ALG12: variants seen among roughly 807,000 people sequenced by gnomAD.
ALG12 encodes ALG12 alpha-1,6-mannosyltransferase.
Under a neutral mutation model 46.0 loss-of-function variants are expected in ALG12, and 36 were observed. The observed-to-expected ratio is 0.78, with a 90% CI of 0.60 to 1.03. The LOEUF (loss-of-function observed/expected upper bound fraction) is 1.03, where lower values mean the gene tolerates loss of function less well. ALG12 is among the 50% of genes least tolerant of loss of function. ALG12 has a pLI of 0.00. For synonymous variants in ALG12, 326 were observed against 291.6 expected, an observed-to-expected ratio of 1.12 and a Z score of -1.20; for missense variants, 599 against 633.5, an observed-to-expected ratio of 0.95 and a Z score of 0.58.
At chr22:49,896,369 C>T (rs756411904), downstream of ALG12, among the ~76,000 whole-genome samples, 5 of 152,226 alleles carry the variant, frequency 3.3e-5, no homozygotes, top group Non-Finnish European at 7.3e-5. Context: ...TCCTGGGGGA[C>T]CTCTCTAGTA....
chr22:49,897,093 C>G (rs1309707763), downstream of ALG12, among the ~76,000 whole-genome samples: 2 of 150,260 alleles, frequency 1.3e-5, no homozygotes, highest in Non-Finnish European at 2.9e-5. Flanking sequence ...TGGACTCATA[C>G]AGTATGTAGC....
chr22:49,867,403 A>G, the ALG12 span, among the ~76,000 whole-genome samples: 95,406 of 151,968 alleles, frequency 0.63, 35,005 homozygotes, highest in East Asian at 0.85. Context: ...ACTGCGGTGC[A>G]TCCACTGGGT....
the ALG12 span, chr22:49,885,134 A>G: frequency 6.2e-7 from 1 of 1,612,586 alleles, no homozygotes; most frequent in Non-Finnish European, 8.5e-7. Flanking sequence ...AAGAAGGGTG[A>G]TGTGGGCACC....
At position 49,905,093 on chromosome 22, in the gene ALG12, C is replaced by T. The variant is rs190092255; in HGVS notation, c.993-587G>A. On this transcript the variant is annotated intron_variant, in intron 7 of 9. Transcript: ENST00000330817. The surrounding 1 kb of genome is among the most constrained non-coding windows in gnomAD (Gnocchi z 4.9). ...ACTGTGTAGGTCAGAGTGCCACCCG[C>T]GCGGCCAAGCCCACTCCCAGCAGGT... Among the ~76,000 whole-genome samples the T allele has an allele frequency of 1.6e-3, 240 of 151,820 alleles. No individual in the cohort carries two copies. The highest frequency in any genetic ancestry group is 5.6e-3 in the African/African-American group (230 of 41,366).
the ALG12 span, among the ~76,000 whole-genome samples, chr22:49,875,882 G>A: frequency 1.3e-5 from 2 of 151,548 alleles, no homozygotes; most frequent in African/African-American, 2.4e-5. Context: ...AATATTTGTA[G>A]AAGCTTATCA....
At chr22:49,873,228 A>G in the ALG12 span, among the ~76,000 whole-genome samples, 2 of 152,200 alleles carry the variant, frequency 1.3e-5, no homozygotes, top group African/African-American at 2.4e-5. Context: ...CTTCATCACT[A>G]AGCTTAATCA....
chr22:49,863,350 C>T, the ALG12 span, among the ~76,000 whole-genome samples: 2 of 151,498 alleles, frequency 1.3e-5, no homozygotes, highest in East Asian at 2.0e-4. Flanking sequence ...TTTTGTAGGC[C>T]GGGTGTGGTG....
Position 49,904,350 on chromosome 22 carries a change from C to T in ALG12, c.1149G>A (p.Val383=), listed in dbSNP as rs778616092. 9 of 1,614,196 alleles carry T rather than the reference C, an allele frequency of 5.6e-6. No individual in the cohort carries two copies. Among genetic ancestry groups the T allele is most frequent in the Non-Finnish European group, 7.6e-6 (9 of 1,180,040 alleles). The change falls in exon 8 of 10, where the codon GTG becomes GTA. Residue 383 remains valine, a synonymous_variant. Coordinates refer to ENST00000330817, the MANE Select transcript of ALG12 (RefSeq NM_024105.4). ...GVAMQRLHQL[V]PPQTDVLLHI... ...CCCAGCACCCACCTGTCTGGGGGGG[C>T]ACCAGCTGGTGCAGCCTCTGCATTG...
At position 49,901,101 on chromosome 22, in the gene ALG12, G is replaced by A. The variant is rs1046505467; in HGVS notation, c.*2737C>T. On this transcript the variant is annotated 3_prime_UTR_variant, in exon 10 of 10. Transcript: ENST00000330817. ...AAATCTCGTACACTTTGAACACCAG[G>A]ATAATTAAAGACAGGAGTGACTCAC... 15 of 152,280 alleles carry A rather than the reference G, an allele frequency of 9.9e-5. No homozygotes were observed. Among genetic ancestry groups the A allele is most frequent in the African/African-American group, 3.6e-4 (15 of 41,482 alleles). 9.4% of individuals were successfully genotyped at this position (152,280 alleles called of 1,614,324 possible).
chr22:49,880,083 T>G, the ALG12 span, among the ~76,000 whole-genome samples: 1 of 152,128 alleles, frequency 6.6e-6, no homozygotes, highest in East Asian at 2.0e-4. Context: ...GAGACTTGTT[T>G]TAGGTTGTAG....
At chr22:49,917,475 A>G (rs990573629) in intron 1 of ALG12, among the ~76,000 whole-genome samples, 2 of 152,202 alleles carry the variant, frequency 1.3e-5, no homozygotes, top group Non-Finnish European at 2.9e-5. Context: ...CTTCGAGACC[A>G]GCCTGGCCAA....
At chr22:49,884,726 C>G in the ALG12 span, 1 of 1,594,254 alleles carries the variant, frequency 6.3e-7, no homozygotes, top group Non-Finnish European at 8.6e-7. Context: ...TACTCCACCC[C>G]TCCCACTCTG....
rs564786716 is a variant in ALG12 at position 49,907,693 on chromosome 22, A to G, written c.992+28T>C. The G allele has an allele frequency of 5.0e-6, 8 of 1,604,932 alleles. No homozygotes were observed. The South Asian group carries it at 8.8e-5, about 18-fold the overall frequency. ...GAACCTGTTTCCAATGAAACTATAAAAATGCATGTCACAAAAAGAGCACTC... is the reference window on the plus strand; with the variant it reads ...GAACCTGTTTCCAATGAAACTATAAGAATGCATGTCACAAAAAGAGCACTC... On this transcript the variant is annotated intron_variant, in intron 7 of 9. Coordinates refer to ENST00000330817, the MANE Select transcript of ALG12 (RefSeq NM_024105.4).
chr22:49,860,251 A>G, the ALG12 span, among the ~76,000 whole-genome samples: 14 of 152,304 alleles, frequency 9.2e-5, no homozygotes, highest in African/African-American at 2.6e-4. Flanking sequence ...GTAAGCTGCA[A>G]TGACGTCACT....
the ALG12 span, among the ~76,000 whole-genome samples, chr22:49,872,661 C>T: frequency 6.6e-6 from 1 of 152,086 alleles, no homozygotes; most frequent in Admixed American, 6.6e-5. Flanking sequence ...TGCCAGGTAG[C>T]TGGGACTGCA....
In ALG12 at chr22:49,907,841, G is replaced by A. The variant is rs778608834; in HGVS notation, c.872C>T (p.Pro291Leu). ...LGLVDRRTHAPTVLALGFMAL... is the reference protein window; with the variant it reads ...LGLVDRRTHALTVLALGFMAL... ...CATGAAGCCCAGTGCCAGCACCGTC[G>A]GCGCGTGCGTCCTTCTGTCTACCAA... is the stretch of plus-strand genomic sequence containing the variant. Residue 291 changes from proline to leucine, a missense_variant, in exon 7 of 10, where the codon CCG becomes CTG. Coordinates refer to ENST00000330817, the MANE Select transcript of ALG12 (RefSeq NM_024105.4). The A allele has an allele frequency of 1.6e-5, 26 of 1,613,858 alleles. No individual in the cohort carries two copies. The highest frequency in any genetic ancestry group is 1.6e-4 in the Middle Eastern group (1 of 6,084).
At chr22:49,862,209 C>T in the ALG12 span, among the ~76,000 whole-genome samples, 2 of 152,226 alleles carry the variant, frequency 1.3e-5, no homozygotes, top group South Asian at 2.1e-4. Flanking sequence ...TGGCCCTGTG[C>T]GTGGAACCTA....
At chr22:49,899,227 T>G (rs1322041536), downstream of ALG12, among the ~76,000 whole-genome samples, 1 of 151,928 alleles carries the variant, frequency 6.6e-6, no homozygotes, top group Non-Finnish European at 1.5e-5. Context: ...AGTCCCAGCA[T>G]TTTGGGTGGG....
the ALG12 span, among the ~76,000 whole-genome samples, chr22:49,879,003 G>A: frequency 6.6e-6 from 1 of 151,320 alleles, no homozygotes; most frequent in Non-Finnish European, 1.5e-5. Context: ...AAATTAGCCG[G>A]GTGTGGTGGC....
Sources: gnomAD v4.1 joint callset for allele counts (sites outside exome capture counted in the v4.1 genomes callset) on GRCh38, gnomAD v4.1.1 for gene constraint, Gnocchi (gnomAD v3.1) non-coding constraint, MANE v1.5 for transcripts, NCBI Gene and HGNC (gene_info 2026-07-23, HGNC 2026-07-21) for gene names.